Variants in CHRDL1 observed in about 807,000 individuals in gnomAD.
The protein encoded by CHRDL1 is chordin like 1.
In CHRDL1, 19 loss-of-function variants were observed where a neutral mutation model predicts 40.9. That is an observed-to-expected ratio of 0.46 (90% CI 0.32 to 0.68). The LOEUF is 0.68. Ranked by LOEUF, CHRDL1 falls within the 30% of genes least tolerant of loss-of-function variation. The pLI is 0.03. For synonymous variants in CHRDL1, 136 were observed against 123.4 expected, an observed-to-expected ratio of 1.10 and a Z score of -0.68; for missense variants, 329 against 352.1, an observed-to-expected ratio of 0.93 and a Z score of 0.53.
chrX:110,763,894 T>G lies in CHRDL1; in HGVS notation c.95-1087A>C, dbSNP rs746362957. Reference sequence around the variant, plus strand: ...CTACTGTTTTTTCGTTTTTTGATTATGGTCATTCTTGAAGGAGTATGGTGG... The same window carrying G: ...CTACTGTTTTTTCGTTTTTTGATTAGGGTCATTCTTGAAGGAGTATGGTGG... On this transcript the variant is annotated intron_variant, in intron 2 of 11. Transcript: ENST00000372042. Among the ~76,000 whole-genome samples, 19 of 111,844 alleles carry G rather than the reference T, an allele frequency of 1.7e-4. No homozygotes were observed. In the South Asian group the frequency reaches 6.8e-3, roughly 40 times the overall value.
intron 9 of CHRDL1, among the ~76,000 whole-genome samples, chrX:110,685,615 T>C (rs1238031718): frequency 8.9e-6 from 1 of 111,826 alleles, no homozygotes; most frequent in Non-Finnish European, 1.9e-5. Flanking sequence ...ATATTGTTCT[T>C]TAGCTTGCTA....
chrX:110,686,526 A>G lies in CHRDL1; in HGVS notation c.988+2068T>C, dbSNP rs767460238. 5.1e-4 allele frequency among the ~76,000 whole-genome samples: 57 copies of G among 111,702 alleles called. 1 individual carries two copies. Among genetic ancestry groups the G allele is most frequent in the Middle Eastern group, 9.3e-3 (2 of 214 alleles). On this transcript the variant is annotated intron_variant, in intron 9 of 11. Transcript: ENST00000372042. Reference sequence around the variant, plus strand: ...AGAAAATTGTGTTCATGAAACTACCACTATGTGATACTAAAAGGTTTGAGG... The same window carrying G: ...AGAAAATTGTGTTCATGAAACTACCGCTATGTGATACTAAAAGGTTTGAGG...
At chrX:110,763,007 ATAT>A (rs1181311144) in intron 2 of CHRDL1, among the ~76,000 whole-genome samples, 200 bp from the exon 3 acceptor site, 3 of 111,879 alleles carry the variant, frequency 2.7e-5, no homozygotes, top group African/African-American at 9.7e-5. Context: ...CATAAGGTAG[ATAT>A]TATTATTAGT....
intron 6 of CHRDL1, among the ~76,000 whole-genome samples, chrX:110,710,929 G>C (rs939146855): frequency 9.0e-6 from 1 of 111,385 alleles, no homozygotes; most frequent in Non-Finnish European, 1.9e-5. Flanking sequence ...TATCTATGCG[G>C]AATTGGTTCC....
At chrX:110,689,340 A>G (rs1051441541) in intron 8 of CHRDL1, among the ~76,000 whole-genome samples, 1 of 96,978 alleles carries the variant, frequency 1.0e-5, no homozygotes, top group Non-Finnish European at 2.0e-5. Context: ...CAAGAGATCC[A>G]CTTGCCTCAG....
chrX:110,740,818 C>T (rs2071346415), intron 4 of CHRDL1, among the ~76,000 whole-genome samples: 1 of 111,982 alleles, frequency 8.9e-6, no homozygotes, highest in Admixed American at 9.4e-5. Flanking sequence ...CCTATTGTGT[C>T]TAGAACAGGG....
chrX:110,680,104 T>A (rs188997722), intron 10 of CHRDL1, among the ~76,000 whole-genome samples: 1 of 111,717 alleles, frequency 9.0e-6, no homozygotes, highest in Admixed American at 9.5e-5. Context: ...ATGGGCGAAG[T>A]AGATTAAGCC....
intron 4 of CHRDL1, among the ~76,000 whole-genome samples, chrX:110,758,762 T>C (rs1377231829): frequency 8.9e-6 from 1 of 111,845 alleles, no homozygotes; most frequent in Non-Finnish European, 1.9e-5. Context: ...TCTAAAGGAA[T>C]TTACAAATAT....
intron 6 of CHRDL1, among the ~76,000 whole-genome samples, chrX:110,718,093 T>C (rs2070876347): frequency 8.9e-6 from 1 of 112,140 alleles, no homozygotes; most frequent in African/African-American, 3.2e-5. Flanking sequence ...ACAAACATCT[T>C]GAAGGTAGGA....
At chrX:110,756,826 T>C (rs923650613) in intron 4 of CHRDL1, among the ~76,000 whole-genome samples, 1 of 112,180 alleles carries the variant, frequency 8.9e-6, no homozygotes, top group Non-Finnish European at 1.9e-5. Context: ...ACAATTCACA[T>C]CTAAAAATAT....
intron 2 of CHRDL1, among the ~76,000 whole-genome samples, chrX:110,789,305 G>A (rs745317389): frequency 9.0e-6 from 1 of 111,575 alleles, no homozygotes; most frequent in African/African-American, 3.2e-5. Flanking sequence ...CTTGGTGAAG[G>A]AATTAGAAAT....
intron 2 of CHRDL1, among the ~76,000 whole-genome samples, chrX:110,764,753 C>T (rs1369764953): frequency 1.8e-5 from 2 of 111,002 alleles, no homozygotes; most frequent in African/African-American, 6.6e-5. Flanking sequence ...ATTTTCCTAG[C>T]AAGGATTACT....
rs749093524 is a variant in CHRDL1, at chrX:110,681,869, G to T, written c.989-220C>A. Among the ~76,000 whole-genome samples, 4 of 112,513 alleles carry T rather than the reference G, an allele frequency of 3.6e-5. No individual in the cohort carries two copies. In the Admixed American group the frequency reaches 3.8e-4, roughly 11 times the overall value. Reference sequence around the variant, plus strand: ...AGATTAAGCCACAAATCACAAAGGAGCACGTAACTTTGATTGAAGTCCATG... The same window carrying T: ...AGATTAAGCCACAAATCACAAAGGATCACGTAACTTTGATTGAAGTCCATG... On this transcript the variant is annotated intron_variant, in intron 9 of 11. Coordinates refer to ENST00000372042, the MANE Select transcript of CHRDL1 (RefSeq NM_001143981.2).
intron 2 of CHRDL1, among the ~76,000 whole-genome samples, chrX:110,766,343 C>A (rs1357201307): frequency 9.1e-6 from 1 of 109,744 alleles, no homozygotes; most frequent in African/African-American, 3.3e-5. Flanking sequence ...AGGAAATAAC[C>A]AAGATCAGAG....
intron 8 of CHRDL1, among the ~76,000 whole-genome samples, 192 bp downstream of exon 8, chrX:110,693,971 T>G (rs1054679888): frequency 2.7e-5 from 3 of 111,530 alleles, no homozygotes; most frequent in African/African-American, 9.8e-5. Flanking sequence ...TATGCTCTTT[T>G]GGCTGCATTT....
chrX:110,721,626 G>A, intron 4 of CHRDL1, 96 bp from the exon 5 acceptor site: 1 of 714,196 alleles, frequency 1.4e-6, no homozygotes, highest in Non-Finnish European at 2.2e-6. Flanking sequence ...TACATAGAGG[G>A]AGTTTTAAGA....
intron 2 of CHRDL1, among the ~76,000 whole-genome samples, chrX:110,766,516 T>C (rs528976355): frequency 4.5e-5 from 5 of 111,329 alleles, no homozygotes; most frequent in African/African-American, 1.6e-4. Context: ...CAGGAGTATC[T>C]TCAAATACTG....
At chrX:110,748,595 G>T (rs2089298870) in intron 4 of CHRDL1, among the ~76,000 whole-genome samples, 1 of 111,972 alleles carries the variant, frequency 8.9e-6, no homozygotes, top group Non-Finnish European at 1.9e-5. Flanking sequence ...AGACTCTTTG[G>T]TTGTCTCCTG....
intron 4 of CHRDL1, among the ~76,000 whole-genome samples, chrX:110,736,548 C>G (rs2071266634): frequency 9.0e-6 from 1 of 111,186 alleles, no homozygotes; most frequent in African/African-American, 3.3e-5. Flanking sequence ...TTGGACTTAC[C>G]AAGGCTGGAA....
Sources: allele counts gnomAD v4.1 joint callset (sites outside exome capture counted in the v4.1 genomes callset), GRCh38; gene constraint gnomAD v4.1.1; transcripts MANE v1.5; gene names NCBI Gene and HGNC (gene_info 2026-07-23, HGNC 2026-07-21).